SLC9A9: variants seen among roughly 807,000 people sequenced by gnomAD.
SLC9A9 encodes solute carrier family 9 member A9.
SLC9A9 carries 62 observed loss-of-function variants against 77.8 expected under a neutral mutation model. That is an observed-to-expected ratio of 0.80 (90% CI 0.65 to 0.98). The LOEUF is 0.98. SLC9A9 is among the 50% of genes least tolerant of loss of function. The pLI, the probability that SLC9A9 is intolerant of heterozygous loss-of-function variation, is 0.00. For synonymous variants in SLC9A9, 320 were observed against 283.5 expected (o/e 1.13, Z -1.29); for missense variants, 775 against 774.9 (o/e 1.00, Z 0.00).
At chr3:143,656,946 G>A (rs1425408723) in intron 5 of SLC9A9, among the ~76,000 whole-genome samples, 2 of 152,286 alleles carry the variant, frequency 1.3e-5, no homozygotes, top group East Asian at 3.9e-4. Flanking sequence ...CTAAGAAGGA[G>A]GATGGAGGAG....
intron 12 of SLC9A9, among the ~76,000 whole-genome samples, chr3:143,397,393 A>T (rs2033753842): frequency 6.6e-6 from 1 of 152,206 alleles, no homozygotes; most frequent in African/African-American, 2.4e-5. Flanking sequence ...AACAAGTTAC[A>T]TGGGAAAAAA....
At chr3:143,704,082 A>T (rs937601935) in intron 4 of SLC9A9, among the ~76,000 whole-genome samples, 1 of 152,180 alleles carries the variant, frequency 6.6e-6, no homozygotes, top group Non-Finnish European at 1.5e-5. Context: ...AAGTTGTAAT[A>T]AAATGTCTCC....
intron 6 of SLC9A9, among the ~76,000 whole-genome samples, chr3:143,651,437 A>G (rs932720656): frequency 3.3e-5 from 5 of 152,222 alleles, no homozygotes; most frequent in Non-Finnish European, 7.3e-5. Flanking sequence ...TCTGACTTTA[A>G]CAATCTTTTG....
chr3:143,268,732 CAAAAAAAAAAA>C (rs11312794), intron 15 of SLC9A9, 132 bp downstream of exon 15: 17 of 236,942 alleles, frequency 7.2e-5, no homozygotes, highest in Non-Finnish European at 7.5e-5. Context: ...GACTCCGTCT[CAAAAAAAAAAA>C]AAAAAAAAAA....
Position 143,405,459 on chromosome 3 carries a change from GGGAGA to G in SLC9A9, c.1470-23350_1470-23346del, listed in dbSNP as rs548197130. 4.8e-4 allele frequency among the ~76,000 whole-genome samples: 73 copies of G among 152,290 alleles called. 1 individual carries two copies. In the East Asian group the frequency reaches 0.014, roughly 29 times the overall value. On this transcript the variant is annotated intron_variant, in intron 12 of 15. Transcript: ENST00000316549. ...ATACTCTACCCTCTGAGCAGAAGCTGGGAGAGGAGGTGATAGCCCCACAGTCTTCT... is the reference window on the plus strand; with the variant it reads ...ATACTCTACCCTCTGAGCAGAAGCTGGGAGGTGATAGCCCCACAGTCTTCT...
intron 6 of SLC9A9, among the ~76,000 whole-genome samples, chr3:143,589,569 C>A (rs1244782019): frequency 6.6e-6 from 1 of 152,076 alleles, no homozygotes; most frequent in Non-Finnish European, 1.5e-5. Context: ...TACCATATAA[C>A]CTAGCTGTGT....
In SLC9A9 at chr3:143,805,982, C is replaced by T. The variant is rs375098463; in HGVS notation, c.379-9079G>A. Reference sequence around the variant, plus strand: ...ATCTATCTGCTCTTTGCTGGGTAATCTGAAAATAAAAACTCACTGATCTCT... The same window carrying T: ...ATCTATCTGCTCTTTGCTGGGTAATTTGAAAATAAAAACTCACTGATCTCT... On this transcript the variant is annotated intron_variant, in intron 2 of 15. Transcript: ENST00000316549. Among the ~76,000 whole-genome samples the T allele has an allele frequency of 7.9e-5, 12 of 152,240 alleles. No homozygotes were observed. In the East Asian group the frequency reaches 1.2e-3, roughly 15 times the overall value.
intron 13 of SLC9A9, among the ~76,000 whole-genome samples, chr3:143,363,790 C>T (rs2032822360): frequency 6.6e-6 from 1 of 152,062 alleles, no homozygotes; most frequent in Admixed American, 6.6e-5. Context: ...TCTTAATAAT[C>T]CCAATTTTAT....
chr3:143,518,304 G>A (rs755117194), intron 9 of SLC9A9: 4 of 914,100 alleles, frequency 4.4e-6, no homozygotes, highest in Non-Finnish European at 6.9e-6. Flanking sequence ...GCGTGACCAC[G>A]CAGAAAGGGC....
chr3:143,561,850 A>G (rs6788550), intron 8 of SLC9A9, among the ~76,000 whole-genome samples: 18,706 of 152,210 alleles, frequency 0.12, 1,197 homozygotes, highest in Non-Finnish European at 0.13. Flanking sequence ...ATACAGCAAC[A>G]TTTCCTATTT....
intron 2 of SLC9A9, among the ~76,000 whole-genome samples, chr3:143,798,005 T>C (rs1363422833): frequency 6.6e-6 from 1 of 152,150 alleles, no homozygotes; most frequent in East Asian, 1.9e-4. Flanking sequence ...CTCCTGCTCT[T>C]TGCTCCGTGA....
intron 14 of SLC9A9, among the ~76,000 whole-genome samples, chr3:143,289,563 A>T (rs989456012): frequency 6.6e-6 from 1 of 152,084 alleles, no homozygotes; most frequent in Non-Finnish European, 1.5e-5. Context: ...ATGCTCAAGC[A>T]TGGGTGCTAC....
At chr3:143,699,598 C>T (rs901266982) in intron 4 of SLC9A9, among the ~76,000 whole-genome samples, 3 of 152,194 alleles carry the variant, frequency 2.0e-5, no homozygotes, top group African/African-American at 7.2e-5. Flanking sequence ...CTGAGCTGAA[C>T]TCAGTTCATG....
At position 143,802,031 on chromosome 3, in the gene SLC9A9, C is replaced by T. The variant is rs566852768; in HGVS notation, c.379-5128G>A. 3.9e-5 allele frequency among the ~76,000 whole-genome samples: 6 copies of T among 152,318 alleles called. No homozygotes were observed. In the South Asian group the frequency reaches 1.0e-3, roughly 26 times the overall value. ...CATCAGATCCCATTGCCCTCGGCAA[C>T]GCTTATGCTGATAAGGTAGCTAAAG... On this transcript the variant is annotated intron_variant, in intron 2 of 15. Coordinates refer to ENST00000316549, the MANE Select transcript of SLC9A9 (RefSeq NM_173653.4).
intron 9 of SLC9A9, among the ~76,000 whole-genome samples, chr3:143,499,248 C>T (rs571837370): frequency 1.2e-4 from 18 of 152,226 alleles, no homozygotes; most frequent in East Asian, 3.9e-4. Flanking sequence ...TAGATAAATT[C>T]GGATAAAATG....
chr3:143,547,248 T>C (rs996504792), intron 9 of SLC9A9, among the ~76,000 whole-genome samples: 4 of 152,212 alleles, frequency 2.6e-5, no homozygotes, highest in Non-Finnish European at 5.9e-5. Context: ...CAGTATCATC[T>C]GTATATGATA....
chr3:143,492,616 T>C (rs2035767407), intron 11 of SLC9A9, among the ~76,000 whole-genome samples: 1 of 152,198 alleles, frequency 6.6e-6, no homozygotes, highest in Admixed American at 6.5e-5. Flanking sequence ...AAGAATACAT[T>C]TGTTCTTGAC....
chr3:143,478,380 C>T (rs1559933340), intron 11 of SLC9A9, among the ~76,000 whole-genome samples: 1 of 152,178 alleles, frequency 6.6e-6, no homozygotes, highest in Non-Finnish European at 1.5e-5. Flanking sequence ...CACACACTTG[C>T]CCTGGGGTCT....
At chr3:143,435,762 A>T (rs1482549145) in intron 12 of SLC9A9, among the ~76,000 whole-genome samples, 1 of 152,158 alleles carries the variant, frequency 6.6e-6, no homozygotes, top group African/African-American at 2.4e-5. Flanking sequence ...GGTGATAGGA[A>T]GCCCCACTGA....
Sources: allele counts gnomAD v4.1 joint callset (sites outside exome capture counted in the v4.1 genomes callset), GRCh38; gene constraint gnomAD v4.1.1; transcripts MANE v1.5; gene names NCBI Gene and HGNC (gene_info 2026-07-23, HGNC 2026-07-21).